WFS1: variants seen among roughly 807,000 people sequenced by gnomAD.
The protein encoded by WFS1 is wolframin.
Under a neutral mutation model 68.5 loss-of-function variants are expected in WFS1, and 90 were observed. The observed-to-expected ratio is 1.31, with a 90% CI of 1.11 to 1.56. The LOEUF is 1.56. Ranked by LOEUF, WFS1 falls within the 40% of genes most tolerant of loss-of-function variation. The pLI is 0.00. For missense variants in WFS1, 1,767 were observed against 1,232.6 expected (o/e 1.43, Z -6.49); for synonymous variants, 860 against 540.7 (o/e 1.59, Z -8.19).
intron 1 of WFS1, 59 bp from the exon 2 acceptor site, chr4:6,277,392 T>G: frequency 6.7e-7 from 1 of 1,491,820 alleles, no homozygotes. Flanking sequence ...CAGCAGACAC[T>G]AAGTGCCAGA....
At chr4:6,284,494 C>T (rs1035346313) in intron 2 of WFS1, among the ~76,000 whole-genome samples, 1 of 152,056 alleles carries the variant, frequency 6.6e-6, no homozygotes, top group Non-Finnish European at 1.5e-5. Context: ...TTTTAGACCA[C>T]CATATAGACT....
intron 6 of WFS1, chr4:6,294,763 G>A (rs567460474): frequency 2.3e-5 from 11 of 468,350 alleles, no homozygotes; most frequent in South Asian, 2.2e-4. Context: ...CCAGGCATAA[G>A]GAGCTAGGCA....
intron 2 of WFS1, among the ~76,000 whole-genome samples, chr4:6,286,430 C>T (rs1156499833): frequency 1.3e-5 from 2 of 152,154 alleles, no homozygotes; most frequent in Admixed American, 1.3e-4. Flanking sequence ...ACGGAGTCTG[C>T]AACACTATGA....
chr4:6,270,847 T>C (rs556625049), intron 1 of WFS1, among the ~76,000 whole-genome samples: 1 of 152,302 alleles, frequency 6.6e-6, no homozygotes, highest in Admixed American at 6.5e-5. Context: ...GGAGAAGTTA[T>C]AGTCCCCGTT....
chr4:6,293,341 C>G (rs1214315153), intron 6 of WFS1, among the ~76,000 whole-genome samples: 1 of 152,140 alleles, frequency 6.6e-6, no homozygotes, highest in African/African-American at 2.4e-5. Context: ...AGGGACAGGG[C>G]CCCAGCACCC....
At chr4:6,288,843 A>G (rs1730383818) in intron 3 of WFS1, 144 bp from the exon 4 acceptor site, 3 of 1,239,074 alleles carry the variant, frequency 2.4e-6, no homozygotes, top group African/African-American at 1.5e-5. Context: ...AGCCTAGTGG[A>G]CATGCCTGGT....
chr4:6,276,343 G>A (rs1187756567), intron 1 of WFS1, among the ~76,000 whole-genome samples: 4 of 152,178 alleles, frequency 2.6e-5, no homozygotes, highest in Non-Finnish European at 4.4e-5. Context: ...GTTTTTCCAT[G>A]TTGCTAAGCA....
rs780422068 is a variant in WFS1 at position 6,301,588 on chromosome 4, C to T, written c.1793C>T (p.Ala598Val). 36 of 1,614,180 alleles carry T rather than the reference C, an allele frequency of 2.2e-5. No homozygotes were observed. The highest frequency in any genetic ancestry group is 3.1e-5 in the Non-Finnish European group (36 of 1,180,050). Residue 598 changes from alanine to valine, a missense_variant, in exon 8 of 8, where the codon GCA becomes GTA. Ala to Val is a moderately conservative substitution (Grantham distance 64). Transcript: ENST00000226760. ...WFTSLELTKIAVTVAVCSVPL... is the reference protein window; with the variant it reads ...WFTSLELTKIVVTVAVCSVPL... Reference sequence around the variant, plus strand: ...ACGTCTCTGGAGCTCACCAAGATCGCAGTCACCGTGGCGGTCTGTAGTGTG... The same window carrying T: ...ACGTCTCTGGAGCTCACCAAGATCGTAGTCACCGTGGCGGTCTGTAGTGTG...
chr4:6,278,293 G>A (rs1257385525), intron 2 of WFS1, among the ~76,000 whole-genome samples: 3 of 152,220 alleles, frequency 2.0e-5, no homozygotes, highest in African/African-American at 7.2e-5. Context: ...TGACAGGCTT[G>A]TTGGTTCCTG....
intron 7 of WFS1, among the ~76,000 whole-genome samples, chr4:6,299,309 A>C (rs982546113): frequency 2.0e-5 from 3 of 152,218 alleles, no homozygotes; most frequent in Admixed American, 6.5e-5. Context: ...GGTGAAGGCC[A>C]AGAGCTCTTT....
At chr4:6,298,325 G>A (rs896481257) in intron 7 of WFS1, among the ~76,000 whole-genome samples, 2 of 152,234 alleles carry the variant, frequency 1.3e-5, no homozygotes, top group African/African-American at 2.4e-5. Flanking sequence ...TTTCATAAAT[G>A]CCCTCTGGCT....
In WFS1 at chr4:6,301,877, G is replaced by A; in HGVS notation, c.2082G>A (p.Glu694=). The A allele has an allele frequency of 1.2e-6, 2 of 1,612,896 alleles. No individual in the cohort carries two copies. Among genetic ancestry groups the A allele is most frequent in the African/African-American group, 1.3e-5 (1 of 75,058 alleles). Residue 694 remains glutamate (E), a synonymous_variant, in exon 8 of 8, where the codon GAG becomes GAA. Coordinates refer to ENST00000226760, the MANE Select transcript of WFS1 (RefSeq NM_006005.3). ...CCCAGATCCTCTGCAGCCACCTGGA[G>A]GGCCACAGGGTCACGTGGACCGGCC... ...ARTQILCSHL[E]GHRVTWTGRF...
At chr4:6,299,288 C>T (rs1452798866) in intron 7 of WFS1, among the ~76,000 whole-genome samples, 1 of 152,224 alleles carries the variant, frequency 6.6e-6, no homozygotes, top group Non-Finnish European at 1.5e-5. Context: ...CCCTCTGCTC[C>T]TCTTGGCTGT....
In WFS1 at chr4:6,302,067, A is replaced by C; in HGVS notation, c.2272A>C (p.Lys758Gln). The C allele has an allele frequency of 1.2e-6, 2 of 1,612,824 alleles. No homozygotes were observed. The highest frequency in any genetic ancestry group is 1.7e-6 in the Non-Finnish European group (2 of 1,180,004). Residue 758 changes from lysine (K) to glutamine (Q), a missense_variant, in exon 8 of 8, where the codon AAG (lysine) becomes CAG (glutamine). Coordinates refer to ENST00000226760, the MANE Select transcript of WFS1 (RefSeq NM_006005.3). ...GGCCGAGGAGGAGCTCTGTCGCCTT[A>C]AGCTGCTGGCCAAGCACCCCTGCCA... ...STAEEELCRL[K>Q]LLAKHPCHIK...
Position 6,301,821 on chromosome 4 carries a change from C to CA in WFS1, c.2026_2027insA (p.Arg676GlnfsTer36), listed in dbSNP as rs2109126894. On this transcript the variant is annotated frameshift_variant, in exon 8 of 8. Transcript: ENST00000226760. LOFTEE classifies it high-confidence loss of function. ...GCAGTATGGTGCGCTGTGCGGGCCA[C>CA]GCGCCTGGAAGGAGACCAACATGGC... 6.2e-7 allele frequency: 1 copy of CA among 1,613,112 alleles called. No individual in the cohort carries two copies. Among genetic ancestry groups the CA allele is most frequent in the Non-Finnish European group, 8.5e-7 (1 of 1,179,994 alleles).
At chr4:6,285,105 G>A (rs1223592649) in intron 2 of WFS1, among the ~76,000 whole-genome samples, 1 of 151,826 alleles carries the variant, frequency 6.6e-6, no homozygotes. Context: ...TCTGAGCAGC[G>A]TCCTTGAGGA....
rs562612530 is a variant in WFS1, at chr4:6,299,445, G to A, written c.862-1212G>A. Among the ~76,000 whole-genome samples, 31 of 151,864 alleles carry A rather than the reference G, an allele frequency of 2.0e-4. No individual in the cohort carries two copies. In the East Asian group the frequency reaches 6.0e-3, roughly 29 times the overall value. On this transcript the variant is annotated intron_variant, in intron 7 of 7. Coordinates refer to ENST00000226760, the MANE Select transcript of WFS1 (RefSeq NM_006005.3). ...GTATGTGTAGGTGCACACGTGTAGG[G>A]GTGGGTGTGCATGTGTGAGGGTGCA...
intron 7 of WFS1, among the ~76,000 whole-genome samples, chr4:6,298,001 C>T (rs962286813): frequency 1.3e-5 from 2 of 152,212 alleles, no homozygotes; most frequent in South Asian, 2.1e-4. Flanking sequence ...CTTTTAAAGG[C>T]CCTCTCAACC....
intron 1 of WFS1, among the ~76,000 whole-genome samples, chr4:6,271,604 G>T (rs563714483): frequency 2.7e-3 from 412 of 152,268 alleles, no homozygotes; most frequent in Middle Eastern, 0.017. Context: ...ACCACAGCCA[G>T]CCAGCCCCAG....
Sources: gnomAD v4.1 joint callset for allele counts (sites outside exome capture counted in the v4.1 genomes callset) on GRCh38, gnomAD v4.1.1 for gene constraint, MANE v1.5 for transcripts, NCBI Gene and HGNC (gene_info 2026-07-23, HGNC 2026-07-21) for gene names.